The following INPP4B variants were observed in gnomAD, a reference collection of about 807,000 sequenced individuals.
The protein encoded by INPP4B is inositol polyphosphate-4-phosphatase type II B, also known as inositol polyphosphate 4-phosphatase type II.
Under a neutral mutation model 122.5 loss-of-function variants are expected in INPP4B, and 55 were observed. That is an observed-to-expected ratio of 0.45 (90% CI 0.36 to 0.56). INPP4B has a LOEUF of 0.56. INPP4B is among the 20% of genes least tolerant of loss of function. The pLI is 0.00. For missense variants in INPP4B, 1,000 were observed against 1,097.7 expected, an observed-to-expected ratio of 0.91 and a Z score of 1.26; for synonymous variants, 403 against 388.7, an observed-to-expected ratio of 1.04 and a Z score of -0.43.
intron 2 of INPP4B, among the ~76,000 whole-genome samples, chr4:142,689,843 A>T (rs1388994792): frequency 2.0e-5 from 3 of 152,114 alleles, no homozygotes. Flanking sequence ...TTAAAATGAG[A>T]TTTATTTTCC....
chr4:142,067,991 A>T (rs893887483), intron 25 of INPP4B, among the ~76,000 whole-genome samples: 1 of 152,188 alleles, frequency 6.6e-6, no homozygotes, highest in African/African-American at 2.4e-5. Context: ...TGCCACAAAG[A>T]TACTCCTCGA....
intron 2 of INPP4B, among the ~76,000 whole-genome samples, chr4:142,590,570 C>T (rs184452999): frequency 2.0e-5 from 3 of 152,160 alleles, no homozygotes; most frequent in African/African-American, 7.2e-5. Context: ...AGCCAGATTT[C>T]TCATTGTTGG....
In INPP4B at chr4:142,268,322, C is replaced by CAA. The variant is rs56908599; in HGVS notation, c.615+2339_615+2340dup. Among the ~76,000 whole-genome samples, 53 of 6,902 alleles carry CAA rather than the reference C, an allele frequency of 7.7e-3. 17 individuals are homozygous for CAA. The East Asian group carries it at 0.15, about 20-fold the overall frequency. The allele number at this position is 6,902 out of a possible 152,430, so 4.5% of individuals were successfully genotyped here. A position where few individuals can be genotyped will look rare whatever the true frequency, so the allele number is the denominator to read the frequency against. On this transcript the variant is annotated intron_variant, in intron 10 of 25. Coordinates refer to ENST00000262992, the MANE Select transcript of INPP4B (RefSeq NM_001101669.3). ...TGGGTGACAGAGCAAGACTCCGTCT[C>CAA]AAAAAAAAAAAAAAAAAAAAAAAAT...
At chr4:142,732,500 T>A (rs961302392) in intron 1 of INPP4B, among the ~76,000 whole-genome samples, 1 of 152,196 alleles carries the variant, frequency 6.6e-6, no homozygotes, top group South Asian at 2.1e-4. Flanking sequence ...AATTTAGCAA[T>A]GTTACTGAAT....
chr4:142,465,222 G>A (rs1459003383), intron 2 of INPP4B, among the ~76,000 whole-genome samples: 2 of 152,146 alleles, frequency 1.3e-5, no homozygotes, highest in South Asian at 2.1e-4. Context: ...TGTCCTATGT[G>A]AGCCTGAGTC....
At chr4:142,337,757 T>TATATATTATATATATTATATATTTTAC in intron 7 of INPP4B, among the ~76,000 whole-genome samples, 1 of 126,614 alleles carries the variant, frequency 7.9e-6, no homozygotes, top group South Asian at 2.6e-4. Context: ...ATATATTTTA[T>TATATATTATATATATTATATATTTTAC]ATATATTTTA....
chr4:142,188,131 T>G (rs2152999344), intron 15 of INPP4B, among the ~76,000 whole-genome samples: 1 of 152,134 alleles, frequency 6.6e-6, no homozygotes, highest in Non-Finnish European at 1.5e-5. Context: ...AACTGGAAAA[T>G]TATCAGTTAA....
At chr4:142,237,727 T>C (rs1213694270) in intron 12 of INPP4B, 137 bp downstream of exon 12, 1 of 484,502 alleles carries the variant, frequency 2.1e-6, no homozygotes, top group Non-Finnish European at 3.7e-6. Context: ...AAGGCAAATG[T>C]TAACTGGCTC....
At chr4:142,181,274 G>A (rs967174878) in intron 15 of INPP4B, among the ~76,000 whole-genome samples, 1 of 152,004 alleles carries the variant, frequency 6.6e-6, no homozygotes, top group Non-Finnish European at 1.5e-5. Flanking sequence ...GCATCCAACT[G>A]TTCTAGGTAC....
At chr4:142,274,964 A>C (rs1386804155) in intron 9 of INPP4B, among the ~76,000 whole-genome samples, 1 of 151,834 alleles carries the variant, frequency 6.6e-6, no homozygotes, top group Non-Finnish European at 1.5e-5. Context: ...AAGATATAGA[A>C]GACAAAGATC....
Position 142,255,769 on chromosome 4 carries a change from C to A in INPP4B, c.688+4723G>T, listed in dbSNP as rs562921670. Among the ~76,000 whole-genome samples the A allele has an allele frequency of 5.0e-3, 758 of 152,074 alleles. 11 individuals carry two copies. Among genetic ancestry groups the A allele is most frequent in the African/African-American group, 0.017 (723 of 41,474 alleles). ...CATTAATAATGGGAGACTTTAACTC[C>A]CCACTGTCAACATTAGACAGATCAA... On this transcript the variant is annotated intron_variant, in intron 11 of 25. Coordinates refer to ENST00000262992, the MANE Select transcript of INPP4B (RefSeq NM_001101669.3).
intron 2 of INPP4B, among the ~76,000 whole-genome samples, chr4:142,622,921 T>C (rs1745288558): frequency 6.6e-6 from 1 of 151,946 alleles, no homozygotes; most frequent in Non-Finnish European, 1.5e-5. Context: ...TGTGCAACCT[T>C]CACCTCAATC....
chr4:142,772,327 T>C (rs910963022), intron 1 of INPP4B, among the ~76,000 whole-genome samples: 1 of 152,082 alleles, frequency 6.6e-6, no homozygotes, highest in Non-Finnish European at 1.5e-5. Flanking sequence ...CGTGTGTCTC[T>C]GGGGTGGGAG....
intron 21 of INPP4B, among the ~76,000 whole-genome samples, chr4:142,119,036 C>T (rs1294278268): frequency 6.6e-6 from 1 of 152,116 alleles, no homozygotes; most frequent in Admixed American, 6.5e-5. Flanking sequence ...CCAACAGACA[C>T]ATGAAAATAT....
In INPP4B at chr4:142,613,505, G is replaced by T. The variant is rs550110154; in HGVS notation, c.-191+112334C>A. 3.9e-5 allele frequency among the ~76,000 whole-genome samples: 6 copies of T among 152,240 alleles called. No homozygotes were observed. In the East Asian group the frequency reaches 5.8e-4, roughly 15 times the overall value. ...CCATCATACATACACTGATTATACT[G>T]CAGTAGACTCTCAGTGTGTAGCTAT... On this transcript the variant is annotated intron_variant, in intron 2 of 25. Transcript: ENST00000262992.
chr4:142,358,762 A>G (rs1297954350), intron 7 of INPP4B, among the ~76,000 whole-genome samples: 1 of 151,784 alleles, frequency 6.6e-6, no homozygotes, highest in Non-Finnish European at 1.5e-5. Context: ...CACCTAGAAT[A>G]CTTGTTACAA....
At chr4:142,462,191 C>T (rs1464851445) in intron 3 of INPP4B, among the ~76,000 whole-genome samples, 4 of 152,122 alleles carry the variant, frequency 2.6e-5, no homozygotes, top group Non-Finnish European at 2.9e-5. Context: ...TCTACCCAAT[C>T]CACAGTAGAT....
intron 2 of INPP4B, among the ~76,000 whole-genome samples, chr4:142,583,786 A>G (rs891784681): frequency 6.6e-6 from 1 of 152,154 alleles, no homozygotes; most frequent in Admixed American, 6.6e-5. Context: ...GTAACTTTCA[A>G]TTCTACTTTT....
At chr4:142,607,561 G>A (rs192903380) in intron 2 of INPP4B, among the ~76,000 whole-genome samples, 29 of 152,138 alleles carry the variant, frequency 1.9e-4, no homozygotes, top group East Asian at 1.7e-3. Flanking sequence ...TTGGATGCTG[G>A]TCTGTCCAGC....
Sources: allele counts gnomAD v4.1 joint callset (sites outside exome capture counted in the v4.1 genomes callset), GRCh38; gene constraint gnomAD v4.1.1; transcripts MANE v1.5; gene names NCBI Gene and HGNC (gene_info 2026-07-23, HGNC 2026-07-21).